The following ALK variants were observed in gnomAD, a reference collection of about 807,000 sequenced individuals.
ALK encodes the protein ALK receptor tyrosine kinase.
ALK carries 74 observed loss-of-function variants against 163.1 expected under a neutral mutation model. The ratio of observed to expected loss-of-function variants is 0.45; its 90% confidence interval spans 0.38 to 0.55. ALK has a LOEUF of 0.55. ALK is among the 20% of genes least tolerant of loss of function. ALK has a pLI of 0.00. For synonymous variants in ALK, 960 were observed against 843.2 expected (o/e 1.14, Z -2.40); for missense variants, 2,063 against 2,105.3 (o/e 0.98, Z 0.39).
intron 1 of ALK, among the ~76,000 whole-genome samples, chr2:29,786,400 A>T (rs1457180839): frequency 1.3e-5 from 2 of 152,230 alleles, no homozygotes; most frequent in African/African-American, 4.8e-5. Context: ...GATTCTTTTC[A>T]GAGGACAATG....
At chr2:29,805,087 G>C (rs1241303300) in intron 1 of ALK, among the ~76,000 whole-genome samples, 3 of 152,070 alleles carry the variant, frequency 2.0e-5, no homozygotes, top group African/African-American at 7.2e-5. Context: ...CTTGAACTTT[G>C]GGGGCTAAGT....
intron 4 of ALK, among the ~76,000 whole-genome samples, chr2:29,511,959 C>A (rs1157303185): frequency 6.6e-6 from 1 of 152,046 alleles, no homozygotes; most frequent in South Asian, 2.1e-4. Context: ...GGTACAAGTT[C>A]TTTTCAGATG....
chr2:29,336,576 C>T (rs868783758), intron 5 of ALK, among the ~76,000 whole-genome samples: 1 of 152,222 alleles, frequency 6.6e-6, no homozygotes, highest in Non-Finnish European at 1.5e-5. Flanking sequence ...TCCTGTTCTA[C>T]ACCACAGGTG....
At chr2:29,397,060 C>T (rs534796300) in intron 4 of ALK, among the ~76,000 whole-genome samples, 1 of 151,968 alleles carries the variant, frequency 6.6e-6, no homozygotes, top group East Asian at 1.9e-4. Flanking sequence ...GTAGGGTGGG[C>T]AGGAAAGGCA....
intron 12 of ALK, among the ~76,000 whole-genome samples, chr2:29,249,405 C>T (rs528447036): frequency 1.3e-5 from 2 of 152,318 alleles, no homozygotes; most frequent in African/African-American, 2.4e-5. Context: ...GGGCCCCTCT[C>T]ATAGCCTCTC....
At chr2:29,781,402 C>G (rs963025846) in intron 1 of ALK, among the ~76,000 whole-genome samples, 1 of 152,162 alleles carries the variant, frequency 6.6e-6, no homozygotes, top group East Asian at 1.9e-4. Context: ...GTCTAGTGTG[C>G]CAGTTTCCCC....
chr2:29,795,079 CGTA>C (rs1402938523), intron 1 of ALK, among the ~76,000 whole-genome samples: 2 of 151,958 alleles, frequency 1.3e-5, no homozygotes, highest in Non-Finnish European at 2.9e-5. Context: ...TTACAACAAA[CGTA>C]GTAGATGGAG....
intron 3 of ALK, among the ~76,000 whole-genome samples, chr2:29,672,853 T>C (rs1677748292): frequency 7.5e-6 from 1 of 133,778 alleles, no homozygotes; most frequent in African/African-American, 3.0e-5. Context: ...TTCCTGACTT[T>C]TTAATGATTG....
intron 1 of ALK, among the ~76,000 whole-genome samples, chr2:29,721,614 G>T (rs1679423942): frequency 6.6e-6 from 1 of 152,182 alleles, no homozygotes; most frequent in Non-Finnish European, 1.5e-5. Context: ...CCACTTACAT[G>T]TATCAGTGCC....
intron 3 of ALK, among the ~76,000 whole-genome samples, chr2:29,693,650 A>T (rs996400234): frequency 2.0e-5 from 3 of 152,286 alleles, no homozygotes; most frequent in Admixed American, 6.5e-5. Flanking sequence ...TGCCACCTCC[A>T]ATCTCCCTCA....
chr2:29,892,103 G>T (rs1009147689), intron 1 of ALK, among the ~76,000 whole-genome samples: 4 of 152,166 alleles, frequency 2.6e-5, no homozygotes, highest in Admixed American at 6.5e-5. Context: ...GGAAGGATGT[G>T]GTTTCCTGTC....
intron 8 of ALK, among the ~76,000 whole-genome samples, chr2:29,315,946 C>T (rs1318255016): frequency 1.3e-5 from 2 of 152,164 alleles, no homozygotes; most frequent in African/African-American, 2.4e-5. Flanking sequence ...GTCCCCAAAA[C>T]TCTGCCTAGT....
chr2:29,224,128 A>G (rs1477852549), intron 19 of ALK, among the ~76,000 whole-genome samples: 1 of 152,224 alleles, frequency 6.6e-6, no homozygotes, highest in Non-Finnish European at 1.5e-5. Flanking sequence ...CTTCAGTGCA[A>G]TCACAGCAGT....
At chr2:29,765,373 C>T (rs1335515357) in intron 1 of ALK, among the ~76,000 whole-genome samples, 1 of 152,188 alleles carries the variant, frequency 6.6e-6, no homozygotes, top group African/African-American at 2.4e-5. Flanking sequence ...CTCATGAGCT[C>T]TCTCCAGGAT....
intron 4 of ALK, among the ~76,000 whole-genome samples, chr2:29,497,430 A>C (rs972163198): frequency 1.3e-5 from 2 of 152,080 alleles, no homozygotes; most frequent in Non-Finnish European, 2.9e-5. Context: ...CATTGCTCAA[A>C]TAGAAACAGA....
At chr2:29,750,863 A>C (rs1384353596) in intron 1 of ALK, among the ~76,000 whole-genome samples, 1 of 151,944 alleles carries the variant, frequency 6.6e-6, no homozygotes, top group African/African-American at 2.4e-5. Flanking sequence ...TGAGGTCAGG[A>C]GTTCGAGACC....
At chr2:29,625,294 A>G (rs1013198220) in intron 3 of ALK, among the ~76,000 whole-genome samples, 3 of 152,238 alleles carry the variant, frequency 2.0e-5, no homozygotes, top group African/African-American at 4.8e-5. Flanking sequence ...TCAACTTCCA[A>G]ATTAATTCTG....
At chr2:29,654,870 T>TA (rs1161808672) in intron 3 of ALK, among the ~76,000 whole-genome samples, 4 of 152,186 alleles carry the variant, frequency 2.6e-5, no homozygotes, top group African/African-American at 9.6e-5. Context: ...TCAATCCATT[T>TA]AAAAAATATA....
chr2:29,226,739 C>T (rs985006901), intron 18 of ALK, among the ~76,000 whole-genome samples, 183 bp downstream of exon 18: 4 of 152,152 alleles, frequency 2.6e-5, no homozygotes, highest in Admixed American at 2.6e-4. Context: ...TTTAAGACTC[C>T]TTCAGGAGCC....
Sources: gnomAD v4.1 joint callset for allele counts (sites outside exome capture counted in the v4.1 genomes callset) on GRCh38, gnomAD v4.1.1 for gene constraint, MANE v1.5 for transcripts, NCBI Gene and HGNC (gene_info 2026-07-23, HGNC 2026-07-21) for gene names.